The following NDUFA12 variants were observed in gnomAD, a reference collection of about 807,000 sequenced individuals.
The protein encoded by NDUFA12 is NADH:ubiquinone oxidoreductase subunit A12.
NDUFA12 carries 17 observed loss-of-function variants against 20.3 expected under a neutral mutation model. That is an observed-to-expected ratio of 0.84 (90% confidence interval 0.57 to 1.26). The LOEUF (loss-of-function observed/expected upper bound fraction) is 1.26, where lower values mean the gene tolerates loss of function less well. Among genes scored for constraint, NDUFA12 ranks in the 50% most tolerant of loss-of-function variants. The pLI is 0.00. For missense variants in NDUFA12, 191 were observed against 183.7 expected (o/e 1.04, Z -0.23); for synonymous variants, 72 against 63.6 (o/e 1.13, Z -0.63).
At chr12:95,001,729 A>ATTCTTTTTT in intron 2 of NDUFA12, among the ~76,000 whole-genome samples, 1 of 152,226 alleles carries the variant, frequency 6.6e-6, no homozygotes, top group East Asian at 1.9e-4. Flanking sequence ...TTTTGAGATA[A>ATTCTTTTTT]GAGTCTCGCT....
At chr12:94,977,188 G>A (rs562238864) in intron 3 of NDUFA12, among the ~76,000 whole-genome samples, 1 of 152,272 alleles carries the variant, frequency 6.6e-6, no homozygotes, top group Non-Finnish European at 1.5e-5. Context: ...TTTATTTAGA[G>A]AAATAATATT....
chr12:94,991,058 C>A (rs552224621), intron 3 of NDUFA12, among the ~76,000 whole-genome samples: 1 of 151,872 alleles, frequency 6.6e-6, no homozygotes, highest in Non-Finnish European at 1.5e-5. Flanking sequence ...CAGAGGTTGG[C>A]GAATCATTTG....
intron 3 of NDUFA12, among the ~76,000 whole-genome samples, chr12:94,991,010 G>A (rs911504824): frequency 2.0e-5 from 3 of 152,162 alleles, no homozygotes; most frequent in Non-Finnish European, 2.9e-5. Flanking sequence ...AAGGCCAGGT[G>A]TGGTGGCTCA....
intron 1 of NDUFA12, 22 bp from the exon 2 acceptor site, chr12:95,002,843 C>G: frequency 1.3e-6 from 2 of 1,587,406 alleles, no homozygotes; most frequent in South Asian, 1.1e-5. Context: ...CAAAAGAAAA[C>G]AGACATTTTA....
Position 95,003,655 on chromosome 12 carries a change from C to T in NDUFA12, c.26G>A (p.Arg9His). MELVQVLK[R>H]GLQQITGHGG... ...GTGGCCGGTGATCTGCTGCAGCCCG[C>T]GTTTCAGGACCTGCACTAACTCCAT... The change falls in exon 1 of 4, where the codon CGC (arginine) becomes CAC (histidine). Residue 9 changes from arginine (R) to histidine (H), a missense_variant. Physicochemically the swap from Arg to His is conservative, Grantham distance 29. Transcript: ENST00000327772. 1.2e-6 allele frequency: 2 copies of T among 1,614,174 alleles called. No individual in the cohort carries two copies. The highest frequency in any genetic ancestry group is 1.7e-6 in the Non-Finnish European group (2 of 1,180,032).
At chr12:94,984,724 A>AC (rs1178765007) in intron 3 of NDUFA12, among the ~76,000 whole-genome samples, 5 of 119,800 alleles carry the variant, frequency 4.2e-5, no homozygotes, top group Non-Finnish European at 8.5e-5. Context: ...CAAAAAAAAA[A>AC]AACAACAAAA....
At chr12:94,984,871 G>C (rs946340941) in intron 3 of NDUFA12, among the ~76,000 whole-genome samples, 5 of 150,988 alleles carry the variant, frequency 3.3e-5, no homozygotes, top group African/African-American at 1.2e-4. Context: ...CCAGCTACTC[G>C]GGCGGCTGAG....
At chr12:94,983,350 A>G (rs1473835879) in intron 3 of NDUFA12, among the ~76,000 whole-genome samples, 2 of 152,144 alleles carry the variant, frequency 1.3e-5, no homozygotes, top group Admixed American at 6.5e-5. Flanking sequence ...GAAGTATGGG[A>G]TATCACTTCC....
chr12:94,972,674 G>T lies in NDUFA12; in HGVS notation c.258-1054C>A, dbSNP rs1000984845. Among the ~76,000 whole-genome samples the T allele has an allele frequency of 5.3e-5, 8 of 152,072 alleles. No individual in the cohort carries two copies. In the East Asian group the frequency reaches 1.5e-3, roughly 29 times the overall value. On this transcript the variant is annotated intron_variant, in intron 3 of 3. Transcript: ENST00000327772. ...AGGCCAGAAGCTCAGGACCAGCCTGGGCAACATAGTGAGACCCTGTCTTGA... is the reference window on the plus strand; with the variant it reads ...AGGCCAGAAGCTCAGGACCAGCCTGTGCAACATAGTGAGACCCTGTCTTGA...
intron 2 of NDUFA12, among the ~76,000 whole-genome samples, chr12:94,998,874 C>A (rs1251202777): frequency 2.6e-5 from 4 of 152,050 alleles, no homozygotes; most frequent in Non-Finnish European, 2.9e-5. Flanking sequence ...CTCATGGATG[C>A]ACATAATCAA....
chr12:94,971,371 G>C lies in NDUFA12; in HGVS notation c.*69C>G, dbSNP rs1443097403. On this transcript the variant is annotated 3_prime_UTR_variant, in exon 4 of 4. Coordinates refer to ENST00000327772, the MANE Select transcript of NDUFA12 (RefSeq NM_018838.5). Reference sequence around the variant, plus strand: ...TTTTAATTGTGAATTATAGTGAATGGTAAACAGTAAAAGAGTAATTACATG... The same window carrying C: ...TTTTAATTGTGAATTATAGTGAATGCTAAACAGTAAAAGAGTAATTACATG... 3 of 1,490,940 alleles carry C rather than the reference G, an allele frequency of 2.0e-6. No individual in the cohort carries two copies. The highest frequency in any genetic ancestry group is 2.8e-6 in the Non-Finnish European group (3 of 1,069,112). 92.4% of individuals were successfully genotyped at this position (1,490,940 alleles called of 1,614,324 possible).
chr12:94,982,975 G>A lies in NDUFA12; in HGVS notation c.257+11195C>T, dbSNP rs374152597. 2.5e-4 allele frequency among the ~76,000 whole-genome samples: 38 copies of A among 151,906 alleles called. 2 individuals are homozygous for A. The highest frequency in any genetic ancestry group is 2.1e-3 in the East Asian group (11 of 5,170). On this transcript the variant is annotated intron_variant, in intron 3 of 3. Transcript: ENST00000327772. The stretch of plus-strand genomic sequence containing the variant: ...AAATCAAACCAAAATCCTATCTCCA[G>A]CATCAATCTCTAGCCTAACCAACAG...
rs1161810164 is a variant in NDUFA12 at position 94,972,792 on chromosome 12, G to A, written c.258-1172C>T. ...TATGTTCCAGAAATCAGACCTAAAAGCTGGATACCTGGAGTTGAAAGGGAA... is the reference window on the plus strand; with the variant it reads ...TATGTTCCAGAAATCAGACCTAAAAACTGGATACCTGGAGTTGAAAGGGAA... On this transcript the variant is annotated intron_variant, in intron 3 of 3. Transcript: ENST00000327772. Among the ~76,000 whole-genome samples the A allele has an allele frequency of 2.6e-5, 4 of 152,272 alleles. No individual in the cohort carries two copies. In the East Asian group the frequency reaches 7.7e-4, roughly 29 times the overall value.
intron 2 of NDUFA12, among the ~76,000 whole-genome samples, chr12:94,998,510 G>A (rs1874911020): frequency 6.6e-6 from 1 of 152,140 alleles, no homozygotes; most frequent in Non-Finnish European, 1.5e-5. Context: ...GAAATAAAGT[G>A]CATCCAAATT....
chr12:95,002,886 T>C, intron 1 of NDUFA12, 65 bp from the exon 2 acceptor site: 6 of 1,417,248 alleles, frequency 4.2e-6, no homozygotes, highest in Non-Finnish European at 6.0e-6. Flanking sequence ...TAAACGGAAA[T>C]AAAGTGAGAG....
intron 2 of NDUFA12, chr12:94,996,901 T>C (rs555884993): frequency 2.0e-5 from 7 of 343,110 alleles, no homozygotes; most frequent in South Asian, 1.7e-4. Context: ...AAAGAATAAT[T>C]ACCCCAGGTT....
chr12:94,995,133 A>C (rs1198529748), intron 2 of NDUFA12, among the ~76,000 whole-genome samples: 1 of 152,212 alleles, frequency 6.6e-6, no homozygotes, highest in African/African-American at 2.4e-5. Flanking sequence ...CCTATGATGG[A>C]CTTTAAACCA....
chr12:94,981,664 G>A (rs1433323), intron 3 of NDUFA12, among the ~76,000 whole-genome samples: 132,350 of 152,196 alleles, frequency 0.87, 57,644 homozygotes, highest in Admixed American at 0.9. Context: ...TAAACTACAA[G>A]AGAACAAAGA....
chr12:94,982,261 T>G (rs911614208), intron 3 of NDUFA12, among the ~76,000 whole-genome samples: 4 of 121,182 alleles, frequency 3.3e-5, no homozygotes, highest in Non-Finnish European at 6.5e-5. Context: ...CAGAAGCTAT[T>G]TTCTTTTTCT....
Sources: allele counts gnomAD v4.1 joint callset (sites outside exome capture counted in the v4.1 genomes callset), GRCh38; gene constraint gnomAD v4.1.1; transcripts MANE v1.5; gene names NCBI Gene and HGNC (gene_info 2026-07-23, HGNC 2026-07-21).